The following CDK5RAP2 variants were observed in gnomAD, a reference collection of about 807,000 sequenced individuals.
CDK5RAP2 encodes the protein CDK5 regulatory subunit associated protein 2.
A neutral mutation model predicts 232.9 loss-of-function variants in CDK5RAP2; 147 were observed. The ratio of observed to expected loss-of-function variants is 0.63; its 90% CI spans 0.55 to 0.72. CDK5RAP2 has a LOEUF of 0.72. CDK5RAP2 is among the 30% of genes least tolerant of loss of function. The pLI, the probability that CDK5RAP2 is intolerant of heterozygous loss-of-function variation, is 0.00. For missense variants in CDK5RAP2, 2,195 were observed against 2,231.5 expected, an observed-to-expected ratio of 0.98 and a Z score of 0.33; for synonymous variants, 833 against 833.7, an observed-to-expected ratio of 1.00 and a Z score of 0.01.
chr9:120,416,025 T>C (rs772949507), intron 27 of CDK5RAP2, among the ~76,000 whole-genome samples: 15 of 151,910 alleles, frequency 9.9e-5, no homozygotes, highest in Non-Finnish European at 1.5e-4. Context: ...AATCACAACT[T>C]ATAGAAAAAA....
chr9:120,446,305 C>T (rs899502267), intron 22 of CDK5RAP2, among the ~76,000 whole-genome samples: 1 of 152,072 alleles, frequency 6.6e-6, no homozygotes, highest in African/African-American at 2.4e-5. Flanking sequence ...CTGCTCACTG[C>T]AACCTCCACC....
intron 32 of CDK5RAP2, among the ~76,000 whole-genome samples, chr9:120,405,126 G>A (rs1171358869): frequency 6.6e-6 from 1 of 152,198 alleles, no homozygotes; most frequent in African/African-American, 2.4e-5. Flanking sequence ...CAGTTCCTAA[G>A]GCCAAGGAGC....
intron 10 of CDK5RAP2, among the ~76,000 whole-genome samples, chr9:120,526,890 G>A (rs1281305159): frequency 6.6e-6 from 1 of 151,986 alleles, no homozygotes; most frequent in East Asian, 1.9e-4. Flanking sequence ...TGGCATCCCC[G>A]TCCCTGCCTT....
intron 12 of CDK5RAP2, among the ~76,000 whole-genome samples, chr9:120,496,576 C>T (rs1258535725): frequency 2.0e-5 from 3 of 150,846 alleles, no homozygotes; most frequent in Admixed American, 6.6e-5. Flanking sequence ...GTCGGCCCCC[C>T]GTCCGGCCAG....
chr9:120,463,700 A>G (rs1016921447), intron 18 of CDK5RAP2, among the ~76,000 whole-genome samples: 29 of 152,240 alleles, frequency 1.9e-4, no homozygotes, highest in African/African-American at 7.0e-4. Context: ...GTTATTCTGC[A>G]TTTCCAGAAC....
rs1554771090 is a variant in CDK5RAP2, at chr9:120,518,516, G to C, written c.1222C>G (p.Leu408Val). Residue 408 changes from leucine to valine, a missense_variant, in exon 12 of 38, where the codon CTG becomes GTG. Physicochemically the swap from Leu to Val is conservative, Grantham distance 32. Transcript: ENST00000349780. ...RRSIKKITQE[L>V]SDLQQERERL... is the part of the protein sequence containing the mutation. Reference sequence around the variant, plus strand: ...TCCCTCTCCTGCTGCAAGTCACTCAGCTCCTGGGTGATCTTCTTAATGCTT... The same window carrying C: ...TCCCTCTCCTGCTGCAAGTCACTCACCTCCTGGGTGATCTTCTTAATGCTT... 13 of 1,613,694 alleles carry C rather than the reference G, an allele frequency of 8.1e-6. No individual in the cohort carries two copies. The highest frequency in any genetic ancestry group is 1.1e-5 in the Non-Finnish European group (13 of 1,179,958).
At chr9:120,563,702 G>T (rs1045292426) in intron 3 of CDK5RAP2, among the ~76,000 whole-genome samples, 2 of 151,598 alleles carry the variant, frequency 1.3e-5, no homozygotes, top group African/African-American at 4.9e-5. Flanking sequence ...AATCCATGTC[G>T]TATCTACACA....
chr9:120,545,101 G>A (rs901146629), intron 5 of CDK5RAP2, among the ~76,000 whole-genome samples: 19 of 151,870 alleles, frequency 1.3e-4, no homozygotes, highest in Non-Finnish European at 2.2e-4. Flanking sequence ...AAAATATTAC[G>A]AGGGTCCCTA....
chr9:120,400,650 C>T, intron 35 of CDK5RAP2, 92 bp downstream of exon 35: 1 of 1,508,780 alleles, frequency 6.6e-7, no homozygotes, highest in African/African-American at 1.4e-5. Context: ...ATGGTGGGCA[C>T]ATCTGCTGTG....
chr9:120,421,575 A>C (rs2034568533), intron 26 of CDK5RAP2, among the ~76,000 whole-genome samples: 1 of 152,238 alleles, frequency 6.6e-6, no homozygotes, highest in Non-Finnish European at 1.5e-5. Context: ...CCAGAAGCCC[A>C]AAGGACCACA....
intron 12 of CDK5RAP2, among the ~76,000 whole-genome samples, chr9:120,509,448 A>G (rs1009097991): frequency 6.6e-6 from 1 of 152,196 alleles, no homozygotes; most frequent in Non-Finnish European, 1.5e-5. Context: ...ACATTTTACT[A>G]TTCATTTGTT....
chr9:120,403,183 T>G lies in CDK5RAP2; in HGVS notation c.5042-112A>C. The G allele has an allele frequency of 9.2e-7, 1 of 1,088,530 alleles. No individual in the cohort carries two copies. The highest frequency in any genetic ancestry group is 1.4e-5 in the South Asian group (1 of 73,730). 67.4% of individuals were successfully genotyped at this position (1,088,530 alleles called of 1,614,324 possible). A position where few individuals can be genotyped will look rare whatever the true frequency, so the allele number is the denominator to read the frequency against. Reference sequence around the variant, plus strand: ...GCTAGAAGAGGCCCTCGTGCCCAAATGCCACCCAACACAAGCCCAGAGGGG... The same window carrying G: ...GCTAGAAGAGGCCCTCGTGCCCAAAGGCCACCCAACACAAGCCCAGAGGGG... On this transcript the variant is annotated intron_variant, in intron 33 of 37. Transcript: ENST00000349780. This position sits in a 1 kb window ranked among gnomAD's most constrained non-coding sequence, Gnocchi z 4.2.
chr9:120,578,811 C>G (rs747978253), intron 1 of CDK5RAP2, among the ~76,000 whole-genome samples: 4 of 152,148 alleles, frequency 2.6e-5, no homozygotes, highest in Non-Finnish European at 5.9e-5. Context: ...AAGAAATCGG[C>G]CCACCTCGGC....
At chr9:120,420,559 A>C (rs2034505221) in intron 26 of CDK5RAP2, among the ~76,000 whole-genome samples, 1 of 152,016 alleles carries the variant, frequency 6.6e-6, no homozygotes, top group Non-Finnish European at 1.5e-5. Context: ...CTGGTTATTA[A>C]CCTGTATTTC....
intron 34 of CDK5RAP2, among the ~76,000 whole-genome samples, chr9:120,402,005 T>C (rs766284580): frequency 2.4e-4 from 36 of 151,456 alleles, no homozygotes; most frequent in Admixed American, 5.3e-4. Flanking sequence ...ATTTTATATA[T>C]ATACTGCCAG....
At chr9:120,539,290 C>G in intron 5 of CDK5RAP2, 126 bp from the exon 6 acceptor site, 1 of 1,151,596 alleles carries the variant, frequency 8.7e-7, no homozygotes, top group South Asian at 1.3e-5. Context: ...GCTTCTTTTT[C>G]TTTAGCTTAA....
At chr9:120,475,102 C>T (rs1299784819) in intron 15 of CDK5RAP2, among the ~76,000 whole-genome samples, 2 of 152,190 alleles carry the variant, frequency 1.3e-5, no homozygotes, top group African/African-American at 4.8e-5. Context: ...AGTTTCAACA[C>T]AACCCTGTAA....
chr9:120,517,776 T>A (rs769344918), intron 12 of CDK5RAP2: 1 of 247,636 alleles, frequency 4.0e-6, no homozygotes, highest in African/African-American at 2.2e-5. Context: ...GAACAATCAG[T>A]GAGGTGGGCA....
chr9:120,565,911 C>T (rs1278167642), intron 3 of CDK5RAP2, among the ~76,000 whole-genome samples: 1 of 152,180 alleles, frequency 6.6e-6, no homozygotes, highest in African/African-American at 2.4e-5. Context: ...GGTCTTAATC[C>T]ACTGCAGATT....
Sources: allele counts gnomAD v4.1 joint callset (sites outside exome capture counted in the v4.1 genomes callset), GRCh38; gene constraint gnomAD v4.1.1; non-coding constraint Gnocchi (gnomAD v3.1); transcripts MANE v1.5; gene names NCBI Gene and HGNC (gene_info 2026-07-23, HGNC 2026-07-21).